The following WDR11 variants were observed in gnomAD, a reference collection of about 807,000 sequenced individuals.
WDR11 encodes the protein WD repeat domain 11.
WDR11 carries 83 observed loss-of-function variants against 151.2 expected under a neutral mutation model. That is an observed-to-expected ratio of 0.55 (90% CI 0.46 to 0.66). The LOEUF (loss-of-function observed/expected upper bound fraction) is 0.66. Among genes scored for constraint, WDR11 ranks in the 30% least tolerant of loss-of-function variants. WDR11 has a pLI of 0.00. For synonymous variants in WDR11, 484 were observed against 533.1 expected, an observed-to-expected ratio of 0.91 and a Z score of 1.27; for missense variants, 1,301 against 1,480.9, an observed-to-expected ratio of 0.88 and a Z score of 1.99.
chr10:120,880,314 C>A (rs1846951997), intron 12 of WDR11: 1 of 152,944 alleles, frequency 6.5e-6, no homozygotes, highest in Non-Finnish European at 1.5e-5. Context: ...TATTATTGAT[C>A]ATTAGTTTGT....
At chr10:120,894,725 C>A (rs183186064) in intron 19 of WDR11, among the ~76,000 whole-genome samples, 3 of 152,146 alleles carry the variant, frequency 2.0e-5, no homozygotes, top group African/African-American at 7.2e-5. Flanking sequence ...ATGATTCATA[C>A]CTCACATAAC....
At chr10:120,885,521 G>A (rs1454619324) in intron 14 of WDR11, among the ~76,000 whole-genome samples, 1 of 152,048 alleles carries the variant, frequency 6.6e-6, no homozygotes, top group Non-Finnish European at 1.5e-5. Flanking sequence ...TAAGAGATGG[G>A]GGAGGAGACG....
intron 19 of WDR11, among the ~76,000 whole-genome samples, chr10:120,891,353 C>G (rs538202459): frequency 1.8e-4 from 28 of 152,156 alleles, no homozygotes; most frequent in African/African-American, 6.7e-4. Flanking sequence ...AATGACCAGT[C>G]AAGCAAATTA....
chr10:120,900,046 T>C lies in WDR11; in HGVS notation c.2533T>C (p.Tyr845His), dbSNP rs1189952902. The C allele has an allele frequency of 6.2e-7, 1 of 1,613,944 alleles. No homozygotes were observed. Among genetic ancestry groups the C allele is most frequent in the South Asian group, 1.1e-5 (1 of 91,084 alleles). The change falls in exon 20 of 29, where the codon TAT (tyrosine) becomes CAT (histidine). Residue 845 changes from tyrosine (Y) to histidine (H), a missense_variant. Physicochemically the swap from Tyr to His is moderately conservative, Grantham distance 83. Around this residue, in one of 3 missense-constraint regions of WDR11, gnomAD observed 589 missense variants for 670.6 expected, o/e 0.88. Coordinates refer to ENST00000263461, the MANE Select transcript of WDR11 (RefSeq NM_018117.12). ...QELTEPVWCPYLLVPRASLAL... is the reference protein window; with the variant it reads ...QELTEPVWCPHLLVPRASLAL... ...TTGTCTAGAGCCTGTGTGGTGCCCC[T>C]ATCTCCTTGTTCCAAGGGCCTCTCT...
At chr10:120,894,710 G>T (rs1847543634) in intron 19 of WDR11, among the ~76,000 whole-genome samples, 1 of 152,108 alleles carries the variant, frequency 6.6e-6, no homozygotes, top group Admixed American at 6.5e-5. Flanking sequence ...AAAAACCTGG[G>T]TGTTATGATT....
At chr10:120,888,010 C>T (rs1847283572) in intron 16 of WDR11, among the ~76,000 whole-genome samples, 1 of 151,526 alleles carries the variant, frequency 6.6e-6, no homozygotes, top group Admixed American at 6.6e-5. Flanking sequence ...TGACTATTAC[C>T]AGAGTTTTTA....
At chr10:120,854,052 C>T (rs992794281) in intron 2 of WDR11, among the ~76,000 whole-genome samples, 1 of 152,064 alleles carries the variant, frequency 6.6e-6, no homozygotes, top group Admixed American at 6.6e-5. Flanking sequence ...ATACTCATAC[C>T]ATAAAATGTA....
chr10:120,898,202 A>T (rs1369470895), intron 19 of WDR11, among the ~76,000 whole-genome samples: 2 of 152,212 alleles, frequency 1.3e-5, no homozygotes, highest in African/African-American at 4.8e-5. Flanking sequence ...TTACTTTTTT[A>T]AAATTATTCA....
rs1184796114 is a variant in WDR11 at position 120,851,453 on chromosome 10, G to C, written c.33G>C (p.Ser11=). The part of the protein sequence containing the change: MLPYTVNFKV[S]ARTLTGALNA... ...CCTACACAGTGAACTTCAAGGTGTCGGCGCGCACCCTCACGGGGGCCCTCA... is the reference window on the plus strand; with the variant it reads ...CCTACACAGTGAACTTCAAGGTGTCCGCGCGCACCCTCACGGGGGCCCTCA... Residue 11 remains serine, a synonymous_variant, in exon 1 of 29, where the codon TCG becomes TCC. Coordinates refer to ENST00000263461, the MANE Select transcript of WDR11 (RefSeq NM_018117.12). 2 of 1,612,228 alleles carry C rather than the reference G, an allele frequency of 1.2e-6. No individual in the cohort carries two copies. The highest frequency in any genetic ancestry group is 8.5e-7 in the Non-Finnish European group (1 of 1,179,776).
rs73368198 is a variant in WDR11 at position 120,871,974 on chromosome 10, A to G, written c.1471+628A>G. On this transcript the variant is annotated intron_variant, in intron 10 of 28. Coordinates refer to ENST00000263461, the MANE Select transcript of WDR11 (RefSeq NM_018117.12). ...AGAAAAAAACAAAATTTAGTTTGCTATTAAGTACACATTATTAAAATACAT... is the reference window on the plus strand; with the variant it reads ...AGAAAAAAACAAAATTTAGTTTGCTGTTAAGTACACATTATTAAAATACAT... Among the ~76,000 whole-genome samples, 5 of 152,360 alleles carry G rather than the reference A, an allele frequency of 3.3e-5. No individual in the cohort carries two copies. The East Asian group carries it at 5.8e-4, about 18-fold the overall frequency.
chr10:120,864,528 T>G (rs954781547), intron 5 of WDR11, among the ~76,000 whole-genome samples: 5 of 152,164 alleles, frequency 3.3e-5, no homozygotes, highest in African/African-American at 4.8e-5. Flanking sequence ...AGTGAAACTT[T>G]GTTTCAAAAA....
At chr10:120,856,375 G>A (rs1270633520) in intron 2 of WDR11, among the ~76,000 whole-genome samples, 2 of 151,960 alleles carry the variant, frequency 1.3e-5, no homozygotes, top group Non-Finnish European at 2.9e-5. Flanking sequence ...AGGAGTTTGA[G>A]ACTAGCCTGG....
intron 9 of WDR11, chr10:120,868,800 C>T (rs1464397624): frequency 6.6e-6 from 1 of 152,134 alleles, no homozygotes; most frequent in Non-Finnish European, 1.5e-5. Flanking sequence ...AGTTTTTTCA[C>T]GATTTCTGCC....
intron 15 of WDR11, 129 bp downstream of exon 15, chr10:120,886,067 CT>C (rs2133785274): frequency 8.6e-7 from 1 of 1,169,346 alleles, no homozygotes; most frequent in South Asian, 1.3e-5. Flanking sequence ...TTAGTTTCAT[CT>C]TTCAGTACAT....
At chr10:120,870,508 C>T (rs1846497954) in intron 9 of WDR11, among the ~76,000 whole-genome samples, 1 of 152,122 alleles carries the variant, frequency 6.6e-6, no homozygotes, top group Admixed American at 6.6e-5. Context: ...TAGTTTGAGA[C>T]TTGCTAACCT....
rs1433935807 is a variant in WDR11, at chr10:120,908,693, G to C, written c.3655G>C (p.Glu1219Gln). The C allele has an allele frequency of 1.9e-6, 3 of 1,614,064 alleles. No individual in the cohort carries two copies. Among genetic ancestry groups the C allele is most frequent in the Non-Finnish European group, 2.5e-6 (3 of 1,180,048 alleles). ...ATTGAATGAGCTTGAGTCCCCCAAG[G>C]AAGAACCCATTGAAGAGTGACAGCT... Reference protein sequence around the residue: ...DLLNELESPKEEPIEE With the variant: ...DLLNELESPKQEPIEE The change falls in exon 29 of 29, where the codon GAA becomes CAA. Residue 1219 changes from glutamate to glutamine, a missense_variant. This residue lies in a region of WDR11 where 589 missense variants were observed against 670.6 expected (regional missense o/e 0.88). Transcript: ENST00000263461.
intron 19 of WDR11, among the ~76,000 whole-genome samples, chr10:120,894,290 T>C (rs186643712): frequency 5.9e-5 from 9 of 152,304 alleles, no homozygotes; most frequent in Non-Finnish European, 1.0e-4. Flanking sequence ...ACATTTTTCC[T>C]AAGTAAGCAT....
At chr10:120,906,334 A>G in intron 27 of WDR11, 1 of 1,272,604 alleles carries the variant, frequency 7.9e-7, no homozygotes, top group Non-Finnish European at 1.0e-6. Context: ...GAGGAGGCCC[A>G]GAGAGCAGGG....
chr10:120,882,556 C>A, intron 13 of WDR11, among the ~76,000 whole-genome samples: 1 of 120,254 alleles, frequency 8.3e-6, no homozygotes, highest in African/African-American at 3.2e-5. Flanking sequence ...TTTTTTTTTT[C>A]ATAAATATAG....
Sources: allele counts gnomAD v4.1 joint callset (sites outside exome capture counted in the v4.1 genomes callset), GRCh38; gene constraint gnomAD v4.1.1; regional missense constraint gnomAD v4.1.1; transcripts MANE v1.5; gene names NCBI Gene and HGNC (gene_info 2026-07-23, HGNC 2026-07-21).